TBL1X: variants seen among roughly 807,000 people sequenced by gnomAD.
TBL1X encodes the protein F-box-like/WD repeat-containing protein TBL1X.
TBL1X carries 10 observed loss-of-function variants against 50.7 expected under a neutral mutation model. That is an observed-to-expected ratio of 0.20 (90% CI 0.12 to 0.33). TBL1X has a LOEUF of 0.33. Among genes scored for constraint, TBL1X ranks in the 10% least tolerant of loss-of-function variants. TBL1X has a pLI of 1.00. For synonymous variants in TBL1X, 190 were observed against 214.7 expected, an observed-to-expected ratio of 0.88 and a Z score of 1.01; for missense variants, 340 against 504.4, an observed-to-expected ratio of 0.67 and a Z score of 3.12.
At chrX:9,470,218 A>G (rs752720246) in intron 1 of TBL1X, among the ~76,000 whole-genome samples, 1 of 112,736 alleles carries the variant, frequency 8.9e-6, no homozygotes, top group Non-Finnish European at 1.9e-5. Flanking sequence ...CCATTCCCTC[A>G]AGCACTTATT....
intron 1 of TBL1X, among the ~76,000 whole-genome samples, chrX:9,492,898 T>TGTGTGG (rs2081954573): frequency 2.2e-5 from 1 of 45,378 alleles, no homozygotes; most frequent in Non-Finnish European, 4.5e-5. Flanking sequence ...TGTGTGTGTG[T>TGTGTGG]AGGGGAGGAA....
intron 2 of TBL1X, among the ~76,000 whole-genome samples, chrX:9,583,093 A>G (rs1778529299): frequency 1.8e-5 from 2 of 112,760 alleles, no homozygotes; most frequent in Non-Finnish European, 3.7e-5. Context: ...TTAAAATAGC[A>G]GAGATGTATT....
intron 1 of TBL1X, among the ~76,000 whole-genome samples, chrX:9,498,978 C>T (rs142471412): frequency 0.032 from 3,611 of 111,458 alleles, 147 homozygotes; most frequent in African/African-American, 0.11. Context: ...TCTGGAATGT[C>T]TCCCCTCCAG....
intron 13 of TBL1X, among the ~76,000 whole-genome samples, chrX:9,708,724 A>AG (rs1569106774): frequency 1.1e-5 from 1 of 91,701 alleles, no homozygotes; most frequent in Non-Finnish European, 2.1e-5. Context: ...AAAAAAAAAA[A>AG]GGGCATGGTG....
At chrX:9,571,743 C>CT (rs1002403941) in intron 2 of TBL1X, among the ~76,000 whole-genome samples, 2 of 111,552 alleles carry the variant, frequency 1.8e-5, no homozygotes, top group African/African-American at 6.5e-5. Flanking sequence ...CATTCCTTCT[C>CT]TCCCCACCAA....
At chrX:9,683,830 G>C in intron 5 of TBL1X, 1 of 473,328 alleles carries the variant, frequency 2.1e-6, no homozygotes. Context: ...TACCAATCCT[G>C]GTCTTCCTGG....
chrX:9,549,956 A>G (rs774859832), intron 2 of TBL1X, among the ~76,000 whole-genome samples: 13 of 111,757 alleles, frequency 1.2e-4, no homozygotes, highest in Admixed American at 6.7e-4. Context: ...AGCAGTGTAA[A>G]GGATGCTTTC....
intron 7 of TBL1X, among the ~76,000 whole-genome samples, chrX:9,688,997 C>T (rs1292952945): frequency 8.9e-6 from 1 of 112,323 alleles, no homozygotes; most frequent in African/African-American, 3.2e-5. Context: ...AGTGTGTATG[C>T]ATGCGTGTGC....
intron 2 of TBL1X, among the ~76,000 whole-genome samples, chrX:9,628,167 T>C (rs1363055614): frequency 2.7e-5 from 3 of 112,542 alleles, no homozygotes; most frequent in Non-Finnish European, 1.9e-5. Context: ...AAAGAGAAGA[T>C]TTTTAATGTT....
chrX:9,617,106 C>G (rs2082642995), intron 2 of TBL1X, among the ~76,000 whole-genome samples: 1 of 111,750 alleles, frequency 8.9e-6, no homozygotes, highest in Admixed American at 9.5e-5. Context: ...AGCTCCAAGG[C>G]ACCGTGTTTT....
At chrX:9,528,932 C>T (rs1350927658) in intron 2 of TBL1X, among the ~76,000 whole-genome samples, 4 of 111,539 alleles carry the variant, frequency 3.6e-5, no homozygotes, top group Non-Finnish European at 7.5e-5. Flanking sequence ...GAATCTTGGC[C>T]ACACACTGCT....
chrX:9,556,913 T>C (rs1287438629), intron 2 of TBL1X, among the ~76,000 whole-genome samples: 1 of 110,934 alleles, frequency 9.0e-6, no homozygotes, highest in Non-Finnish European at 1.9e-5. Context: ...TTCGAGTCTT[T>C]TTCACATTGC....
chrX:9,528,040 C>G (rs1000427841), intron 2 of TBL1X, among the ~76,000 whole-genome samples: 1 of 111,448 alleles, frequency 9.0e-6, no homozygotes, highest in African/African-American at 3.3e-5. Context: ...CCACTCCTGC[C>G]TCCCAAAGTG....
chrX:9,710,565 T>C (rs750743643), intron 15 of TBL1X, among the ~76,000 whole-genome samples: 26 of 112,099 alleles, frequency 2.3e-4, no homozygotes, highest in Non-Finnish European at 4.3e-4. Context: ...ATTATCCTTT[T>C]AGTCAGCAAG....
chrX:9,647,830 A>G (rs1436112205), intron 3 of TBL1X, among the ~76,000 whole-genome samples: 2 of 111,455 alleles, frequency 1.8e-5, no homozygotes, highest in Non-Finnish European at 3.8e-5. Flanking sequence ...CTGAGTGGTC[A>G]TGGGCGAGGC....
At chrX:9,606,515 CA>C (rs2082584287) in intron 2 of TBL1X, among the ~76,000 whole-genome samples, 1 of 110,377 alleles carries the variant, frequency 9.1e-6, no homozygotes, top group Non-Finnish European at 1.9e-5. Context: ...TCTGTCTGTA[CA>C]AAAACATTAA....
intron 1 of TBL1X, among the ~76,000 whole-genome samples, chrX:9,491,306 TTATATATATATATA>T (rs757466880): frequency 0.059 from 3,041 of 51,816 alleles, 65 homozygotes; most frequent in Non-Finnish European, 0.082. Context: ...GCCAGTATAT[TTATATATATATATA>T]TATATATATA....
intron 3 of TBL1X, among the ~76,000 whole-genome samples, chrX:9,642,158 C>G (rs768728567): frequency 9.0e-6 from 1 of 111,610 alleles, no homozygotes; most frequent in Non-Finnish European, 1.9e-5. Context: ...ACTTTGGGAA[C>G]ATAAGCTTCA....
chrX:9,553,423 T>A (rs1004886119), intron 2 of TBL1X, among the ~76,000 whole-genome samples: 2 of 111,889 alleles, frequency 1.8e-5, no homozygotes, highest in Non-Finnish European at 3.8e-5. Flanking sequence ...ACATTGCACA[T>A]CGAGAACCTA....
Sources: gnomAD v4.1 joint callset for allele counts (sites outside exome capture counted in the v4.1 genomes callset) on GRCh38, gnomAD v4.1.1 for gene constraint, MANE v1.5 for transcripts, NCBI Gene and HGNC (gene_info 2026-07-23, HGNC 2026-07-21) for gene names.